Variants in CDH12 observed in about 807,000 individuals in gnomAD.
CDH12 encodes cadherin 12, also known as cadherin-12.
CDH12 carries 41 observed loss-of-function variants against 74.1 expected under a neutral mutation model. The observed-to-expected ratio is 0.55, with a 90% CI of 0.43 to 0.72. CDH12 has a LOEUF of 0.72. Ranked by LOEUF, CDH12 falls within the 30% of genes least tolerant of loss-of-function variation. CDH12 has a pLI of 0.00. For synonymous variants in CDH12, 399 were observed against 355.0 expected (o/e 1.12, Z -1.39); for missense variants, 945 against 977.2 (o/e 0.97, Z 0.44).
At chr5:22,799,136 C>A (rs565534751) in intron 1 of CDH12, among the ~76,000 whole-genome samples, 1 of 152,010 alleles carries the variant, frequency 6.6e-6, no homozygotes, top group African/African-American at 2.4e-5. Context: ...AACAAACAAA[C>A]AAACAAAACC....
At chr5:22,671,570 G>A (rs1740900300) in intron 1 of CDH12, among the ~76,000 whole-genome samples, 1 of 152,092 alleles carries the variant, frequency 6.6e-6, no homozygotes, top group African/African-American at 2.4e-5. Flanking sequence ...TTCTTTGGAT[G>A]TTGCCATGTA....
At chr5:21,905,641 G>GT (rs1317428946) in intron 6 of CDH12, among the ~76,000 whole-genome samples, 5 of 152,166 alleles carry the variant, frequency 3.3e-5, no homozygotes, top group Admixed American at 6.6e-5. Context: ...TACAGTCTGT[G>GT]TTTTTTGTTT....
At chr5:22,174,503 C>T (rs1178747459) in intron 4 of CDH12, among the ~76,000 whole-genome samples, 20 of 151,858 alleles carry the variant, frequency 1.3e-4, no homozygotes, top group Admixed American at 1.3e-3. Flanking sequence ...TTTAACTAAA[C>T]TGCAAGCCTA....
At chr5:22,157,775 G>T (rs1400775336) in intron 4 of CDH12, among the ~76,000 whole-genome samples, 1 of 151,980 alleles carries the variant, frequency 6.6e-6, no homozygotes, top group Non-Finnish European at 1.5e-5. Context: ...ATCAAAAATA[G>T]AATGCAATAG....
intron 4 of CDH12, among the ~76,000 whole-genome samples, chr5:22,118,319 A>T (rs1257283177): frequency 6.6e-6 from 1 of 152,050 alleles, no homozygotes; most frequent in African/African-American, 2.4e-5. Context: ...TCTCCCACAA[A>T]ATTCAATTTT....
intron 6 of CDH12, among the ~76,000 whole-genome samples, chr5:21,945,357 T>C (rs1405378101): frequency 7.4e-6 from 1 of 135,182 alleles, no homozygotes; most frequent in Non-Finnish European, 1.5e-5. Context: ...ACCTGGGAGA[T>C]GGAGGTTACA....
intron 5 of CDH12, among the ~76,000 whole-genome samples, chr5:22,038,035 C>A (rs1314018791): frequency 1.3e-5 from 2 of 152,168 alleles, no homozygotes; most frequent in African/African-American, 4.8e-5. Context: ...GGCAGTAAGC[C>A]CAGCTGAGGA....
chr5:21,819,308 G>C (rs553037934), intron 8 of CDH12, among the ~76,000 whole-genome samples: 145 of 152,034 alleles, frequency 9.5e-4, no homozygotes, highest in African/African-American at 3.4e-3. Flanking sequence ...TGTTTAATGA[G>C]GCAAGAAAGC....
rs187053452 is a variant in CDH12 at position 22,600,648 on chromosome 5, G to T, written c.-522-95284C>A. 7.1e-4 allele frequency among the ~76,000 whole-genome samples: 107 copies of T among 151,596 alleles called. 1 individual carries two copies. The highest frequency in any genetic ancestry group is 1.3e-3 in the Non-Finnish European group (91 of 67,876). On this transcript the variant is annotated intron_variant, in intron 1 of 14. Transcript: ENST00000382254. ...CCCTCCTCTTATAAATATGTATTTG[G>T]TATTATTGATTTTTGAATAATTTTT...
At chr5:22,532,682 A>G (rs191729842) in intron 1 of CDH12, among the ~76,000 whole-genome samples, 3 of 151,982 alleles carry the variant, frequency 2.0e-5, no homozygotes, top group South Asian at 2.1e-4. Context: ...CTTTTGGTTA[A>G]CAAAGTCTCA....
At chr5:22,035,119 T>C (rs1011215345) in intron 5 of CDH12, among the ~76,000 whole-genome samples, 1 of 152,302 alleles carries the variant, frequency 6.6e-6, no homozygotes, top group South Asian at 2.1e-4. Flanking sequence ...GTAGTTCATA[T>C]AAAGTTCCTT....
chr5:22,276,900 A>G (rs769219598), intron 3 of CDH12, among the ~76,000 whole-genome samples: 3 of 152,186 alleles, frequency 2.0e-5, no homozygotes, highest in Non-Finnish European at 2.9e-5. Flanking sequence ...CAATAAACCT[A>G]TGGAGTAGGT....
At chr5:22,491,324 G>T (rs1173542586) in intron 2 of CDH12, among the ~76,000 whole-genome samples, 1 of 152,134 alleles carries the variant, frequency 6.6e-6, no homozygotes, top group African/African-American at 2.4e-5. Flanking sequence ...AAAGCACATG[G>T]TTGCAACTGG....
At chr5:22,275,500 G>A (rs947248822) in intron 3 of CDH12, among the ~76,000 whole-genome samples, 32 of 152,088 alleles carry the variant, frequency 2.1e-4, no homozygotes, top group African/African-American at 6.8e-4. Flanking sequence ...TTTACTTAGC[G>A]GTAAAGAGAA....
chr5:22,251,938 T>C (rs1044522313), intron 3 of CDH12, among the ~76,000 whole-genome samples: 1 of 152,168 alleles, frequency 6.6e-6, no homozygotes, highest in Non-Finnish European at 1.5e-5. Context: ...AACACATGGG[T>C]ATTTTTTAAA....
chr5:22,353,079 A>G (rs1010601647), intron 3 of CDH12, among the ~76,000 whole-genome samples: 2 of 152,170 alleles, frequency 1.3e-5, no homozygotes, highest in African/African-American at 4.8e-5. Flanking sequence ...ACAATTTGTG[A>G]AAACAAACAA....
At chr5:22,651,179 C>T (rs1739717499) in intron 1 of CDH12, among the ~76,000 whole-genome samples, 1 of 152,060 alleles carries the variant, frequency 6.6e-6, no homozygotes, top group Admixed American at 6.6e-5. Context: ...GTTACCTTCT[C>T]AGACTTCTCT....
At chr5:22,369,418 T>C (rs1468155125) in intron 3 of CDH12, among the ~76,000 whole-genome samples, 1 of 152,134 alleles carries the variant, frequency 6.6e-6, no homozygotes, top group Non-Finnish European at 1.5e-5. Flanking sequence ...ATTTTTTTCC[T>C]AGAAAACAGG....
At chr5:22,847,331 C>A (rs1432448964) in intron 1 of CDH12, among the ~76,000 whole-genome samples, 1 of 152,104 alleles carries the variant, frequency 6.6e-6, no homozygotes, top group African/African-American at 2.4e-5. Context: ...GCTTTAAAAC[C>A]TGCCTGCAAT....
Sources: allele counts gnomAD v4.1 joint callset (sites outside exome capture counted in the v4.1 genomes callset), GRCh38; gene constraint gnomAD v4.1.1; transcripts MANE v1.5; gene names NCBI Gene and HGNC (gene_info 2026-07-23, HGNC 2026-07-21).